CFAP47: variants seen among roughly 807,000 people sequenced by gnomAD.
The protein encoded by CFAP47 is cilia- and flagella-associated protein 47.
A neutral mutation model predicts 148.1 loss-of-function variants in CFAP47; 29 were observed. That is an observed-to-expected ratio of 0.20 (90% CI 0.15 to 0.27). The LOEUF (loss-of-function observed/expected upper bound fraction) is 0.27. Among genes scored for constraint, CFAP47 ranks in the 10% least tolerant of loss-of-function variants. The pLI is 1.00. For missense variants in CFAP47, 1,872 were observed against 1,697.5 expected, an observed-to-expected ratio of 1.10 and a Z score of -1.81; for synonymous variants, 664 against 577.3, an observed-to-expected ratio of 1.15 and a Z score of -2.15.
At chrX:35,924,788 T>C (rs1935710653) in intron 1 of CFAP47, among the ~76,000 whole-genome samples, 3 of 111,164 alleles carry the variant, frequency 2.7e-5, no homozygotes, top group Admixed American at 9.5e-5. Flanking sequence ...AGATTCAAGT[T>C]GTGTACTCTT....
chrX:36,373,465 G>A (rs1227115481), intron 62 of CFAP47, among the ~76,000 whole-genome samples: 3 of 111,189 alleles, frequency 2.7e-5, no homozygotes, highest in Non-Finnish European at 3.8e-5. Context: ...TTGTGTGTGT[G>A]TGTGTGTGTA....
chrX:35,946,193 C>G (rs1231914850), intron 3 of CFAP47, among the ~76,000 whole-genome samples: 1 of 111,338 alleles, frequency 9.0e-6, no homozygotes, highest in Non-Finnish European at 1.9e-5. Context: ...TTTTCAATAA[C>G]TCTCTTCTCT....
intron 60 of CFAP47, among the ~76,000 whole-genome samples, chrX:36,360,023 T>G (rs978597929): frequency 9.0e-6 from 1 of 110,585 alleles, no homozygotes; most frequent in South Asian, 3.7e-4. Context: ...AATATCTCTT[T>G]ATTTTAAAGG....
At chrX:36,041,783 G>C (rs957640184) in intron 25 of CFAP47, among the ~76,000 whole-genome samples, 1 of 109,435 alleles carries the variant, frequency 9.1e-6, no homozygotes, top group Non-Finnish European at 1.9e-5. Flanking sequence ...ATAATTAGCC[G>C]GGCATGGTGG....
intron 62 of CFAP47, among the ~76,000 whole-genome samples, chrX:36,371,710 A>G (rs182216054): frequency 3.2e-5 from 2 of 62,887 alleles, no homozygotes; most frequent in African/African-American, 7.3e-5. Flanking sequence ...ATGTGTATAT[A>G]TGTGTGTATA....
intron 8 of CFAP47, among the ~76,000 whole-genome samples, chrX:35,966,115 T>G (rs1205611934): frequency 2.8e-5 from 3 of 107,782 alleles, no homozygotes; most frequent in African/African-American, 9.9e-5. Context: ...GGTACTATGT[T>G]TAATTTTTCT....
At chrX:36,083,391 T>C (rs1268823039) in intron 29 of CFAP47, among the ~76,000 whole-genome samples, 2 of 110,975 alleles carry the variant, frequency 1.8e-5, no homozygotes, top group Non-Finnish European at 1.9e-5. Context: ...CTTTTCTCTT[T>C]GCAGCTTTGA....
chrX:36,158,574 C>A (rs917245373), intron 37 of CFAP47, among the ~76,000 whole-genome samples: 7 of 111,995 alleles, frequency 6.3e-5, no homozygotes, highest in African/African-American at 1.9e-4. Flanking sequence ...AGCTTCATGG[C>A]CTGTAACTCT....
At chrX:36,136,755 A>G (rs1939051780) in intron 33 of CFAP47, among the ~76,000 whole-genome samples, 1 of 111,907 alleles carries the variant, frequency 8.9e-6, no homozygotes, top group East Asian at 2.8e-4. Context: ...AAGCTGGACA[A>G]AAAAGAGAAG....
intron 39 of CFAP47, among the ~76,000 whole-genome samples, chrX:36,163,001 A>T (rs989760126): frequency 5.4e-5 from 6 of 112,024 alleles, no homozygotes; most frequent in Non-Finnish European, 1.1e-4. Flanking sequence ...TGAATGTTTG[A>T]TATAATTCAC....
intron 60 of CFAP47, among the ~76,000 whole-genome samples, chrX:36,355,516 C>T (rs953977537): frequency 4.5e-5 from 5 of 111,589 alleles, no homozygotes; most frequent in African/African-American, 1.6e-4. Flanking sequence ...GTAGCATATA[C>T]TATCTTGAAA....
chrX:35,923,960 C>CAT (rs1268380164), intron 1 of CFAP47, among the ~76,000 whole-genome samples: 1 of 93,107 alleles, frequency 1.1e-5, no homozygotes, highest in Non-Finnish European at 2.1e-5. Context: ...TATATATGTA[C>CAT]ATATATGTGT....
intron 33 of CFAP47, among the ~76,000 whole-genome samples, chrX:36,132,693 A>G (rs1189625694): frequency 1.8e-5 from 2 of 111,803 alleles, no homozygotes; most frequent in Non-Finnish European, 3.8e-5. Context: ...ATTAGAGAAG[A>G]GCTTTGAAGT....
intron 21 of CFAP47, among the ~76,000 whole-genome samples, chrX:36,011,622 T>C (rs1196127805): frequency 8.9e-6 from 1 of 112,198 alleles, no homozygotes; most frequent in Non-Finnish European, 1.9e-5. Flanking sequence ...GCCAAGCACA[T>C]TGCATCAGTC....
chrX:36,055,934 T>C (rs779307075), intron 26 of CFAP47, among the ~76,000 whole-genome samples: 1 of 111,089 alleles, frequency 9.0e-6, no homozygotes, highest in Admixed American at 9.6e-5. Flanking sequence ...TTTTTTTTCA[T>C]GTTTGTGGGC....
intron 62 of CFAP47, among the ~76,000 whole-genome samples, chrX:36,371,917 T>C (rs1302679013): frequency 1.8e-5 from 1 of 54,670 alleles, no homozygotes; most frequent in Admixed American, 1.8e-4. Context: ...TATGTGTGTA[T>C]ATATGTGTAT....
At chrX:36,038,912 A>G in intron 24 of CFAP47, 72 bp from the exon 25 acceptor site, 1 of 472,742 alleles carries the variant, frequency 2.1e-6, no homozygotes, top group South Asian at 6.0e-5. Flanking sequence ...AAATTTAGTA[A>G]TAGTTCAGCT....
At chrX:36,051,293 A>G (rs1055490375) in intron 26 of CFAP47, among the ~76,000 whole-genome samples, 2 of 111,321 alleles carry the variant, frequency 1.8e-5, no homozygotes, top group Non-Finnish European at 1.9e-5. Context: ...AGCTTGCACC[A>G]TGCACCTGGA....
intron 46 of CFAP47, among the ~76,000 whole-genome samples, chrX:36,230,677 T>A (rs1940339356): frequency 1.8e-5 from 2 of 110,460 alleles, no homozygotes; most frequent in African/African-American, 6.7e-5. Flanking sequence ...AGACATGAAG[T>A]CCTTGCCCAC....
Sources: allele counts gnomAD v4.1 joint callset (sites outside exome capture counted in the v4.1 genomes callset), GRCh38; gene constraint gnomAD v4.1.1; transcripts MANE v1.5; gene names NCBI Gene and HGNC (gene_info 2026-07-23, HGNC 2026-07-21).